The following PLP1 variants were observed in gnomAD, a reference collection of about 807,000 sequenced individuals.
PLP1 encodes myelin proteolipid protein.
A neutral mutation model predicts 18.5 loss-of-function variants in PLP1; 2 were observed. The ratio of observed to expected loss-of-function variants is 0.11; its 90% CI spans 0.04 to 0.34. The LOEUF is 0.34. Ranked by LOEUF, PLP1 falls within the 10% of genes least tolerant of loss-of-function variation. PLP1 has a pLI of 1.00. For synonymous variants in PLP1, 86 were observed against 83.2 expected (o/e 1.03, Z -0.19); for missense variants, 105 against 207.3 (o/e 0.51, Z 3.03).
intron 3 of PLP1, among the ~76,000 whole-genome samples, chrX:103,787,209 G>A (rs2074504804): frequency 1.8e-5 from 2 of 111,846 alleles, no homozygotes; most frequent in African/African-American, 3.3e-5. Context: ...GGGAATTGGA[G>A]TAGATCTGCA....
At chrX:103,786,850 G>T (rs1222307768) in intron 3 of PLP1, 124 bp downstream of exon 3, 6 of 726,262 alleles carry the variant, frequency 8.3e-6, no homozygotes, top group African/African-American at 2.1e-5. Context: ...GTGAGGAAGC[G>T]ATGGCTGCAG....
upstream of PLP1, chrX:103,776,674 C>A: frequency 6.9e-6 from 2 of 291,136 alleles, no homozygotes; most frequent in African/African-American, 2.7e-5. Flanking sequence ...AAAGGAAAAA[C>A]AAAGAAAATG....
chrX:103,776,587 C>T (rs960916347), upstream of PLP1: 74 of 167,445 alleles, frequency 4.4e-4, 1 homozygote, highest in African/African-American at 2.0e-3. Context: ...AGGACATCTT[C>T]ATTTTATTTC....
chrX:103,790,411 T>G, intron 6 of PLP1, 116 bp from the exon 7 acceptor site: 1 of 614,685 alleles, frequency 1.6e-6, no homozygotes, highest in South Asian at 2.2e-5. Flanking sequence ...AGAGCATGGG[T>G]TTTTCCCTTA....
chrX:103,785,597 G>A lies in PLP1; in HGVS notation c.20G>A (p.Cys7Tyr). The stretch of plus-strand genomic sequence containing the variant: ...TCTTCCCCAGGCTTGTTAGAGTGCT[G>A]TGCAAGATGTCTGGTAGGGGCCCCC... MGLLEC[C>Y]ARCLVGAPFA... Residue 7 changes from cysteine to tyrosine, a missense_variant, in exon 2 of 7, where the codon TGT (cysteine) becomes TAT (tyrosine). Transcript: ENST00000621218. 1 of 1,209,964 alleles carries A rather than the reference G, an allele frequency of 8.3e-7. No individual in the cohort carries two copies. The highest frequency in any genetic ancestry group is 1.1e-6 in the Non-Finnish European group (1 of 894,096).
intron 5 of PLP1, chrX:103,788,903 T>G (rs1188891249): frequency 1.5e-5 from 4 of 274,908 alleles, no homozygotes; most frequent in African/African-American, 1.1e-4. Context: ...AACTTCTTTA[T>G]CTCAAATGAG....
intron 3 of PLP1, 79 bp downstream of exon 3, chrX:103,786,805 C>A: frequency 9.6e-7 from 1 of 1,041,086 alleles, no homozygotes; most frequent in Non-Finnish European, 1.3e-6. Context: ...CGTCCCCACC[C>A]AAGGCTGGGT....
chrX:103,784,204 A>G (rs1436054295), intron 1 of PLP1, among the ~76,000 whole-genome samples: 1 of 111,735 alleles, frequency 8.9e-6, no homozygotes, highest in African/African-American at 3.3e-5. Flanking sequence ...CAACACTGGC[A>G]TAGGGCCTGG....
chrX:103,777,102 G>GTGT (rs1308571754), intron 1 of PLP1, 103 bp downstream of exon 1: 1 of 668,023 alleles, frequency 1.5e-6, no homozygotes, highest in African/African-American at 2.1e-5. Flanking sequence ...TAAATGAGTC[G>GTGT]TGTTTTGGCA....
chrX:103,785,842 G>A (rs1252471506), intron 2 of PLP1, 74 bp downstream of exon 2: 1 of 941,775 alleles, frequency 1.1e-6, no homozygotes, highest in Non-Finnish European at 1.5e-6. Context: ...GAACTCTTCA[G>A]TACCTTAGTA....
At chrX:103,778,550 G>T (rs2074428793) in intron 1 of PLP1, among the ~76,000 whole-genome samples, 1 of 111,327 alleles carries the variant, frequency 9.0e-6, no homozygotes, top group Non-Finnish European at 1.9e-5. Context: ...TTCCTCAGGG[G>T]ATGAAATCCC....
Position 103,786,792 on chromosome X carries a change from C to T in PLP1, c.453+66C>T, listed in dbSNP as rs751435520. ...GGGAAAATTGGGCGCGAGTCTGTGG[C>T]CTCGTCCCCACCCAAGGCTGGGTCC... On this transcript the variant is annotated intron_variant, in intron 3 of 6. Coordinates refer to ENST00000621218, the MANE Select transcript of PLP1 (RefSeq NM_000533.5). The T allele has an allele frequency of 1.0e-4, 113 of 1,110,566 alleles. No individual in the cohort carries two copies. In the Middle Eastern group the frequency reaches 1.3e-3, roughly 12 times the overall value. 91.5% of individuals were successfully genotyped at this position (1,110,566 alleles called of 1,213,427 possible).
intron 3 of PLP1, chrX:103,787,569 A>G (rs866391529): frequency 4.6e-6 from 2 of 438,587 alleles, no homozygotes; most frequent in African/African-American, 5.0e-5. Context: ...GATCCTCCTC[A>G]CTCTTCCCCT....
intron 6 of PLP1, among the ~76,000 whole-genome samples, chrX:103,790,205 T>C (rs1053864794): frequency 3.6e-5 from 4 of 112,326 alleles, no homozygotes; most frequent in Non-Finnish European, 7.5e-5. Flanking sequence ...CACTCGGACA[T>C]ATTGATGTGG....
In PLP1 at chrX:103,785,602, A is replaced by G; in HGVS notation, c.25A>G (p.Arg9Gly). Residue 9 changes from arginine (R) to glycine (G), a missense_variant, in exon 2 of 7, where the codon AGA becomes GGA. Physicochemically the swap from Arg to Gly is moderately radical, Grantham distance 125 (BLOSUM62 -2). Coordinates refer to ENST00000621218, the MANE Select transcript of PLP1 (RefSeq NM_000533.5). The part of the protein sequence containing the change: MGLLECCA[R>G]CLVGAPFASL... ...CCCAGGCTTGTTAGAGTGCTGTGCA[A>G]GATGTCTGGTAGGGGCCCCCTTTGC... 1 of 1,210,468 alleles carries G rather than the reference A, an allele frequency of 8.3e-7. No individual in the cohort carries two copies.
At chrX:103,779,807 T>C (rs1253314544) in intron 1 of PLP1, 2 of 112,257 alleles carry the variant, frequency 1.8e-5, no homozygotes, top group Admixed American at 9.4e-5. Context: ...CTCCAGCCAG[T>C]AACATCACTT....
chrX:103,787,176 C>G (rs1397961981), intron 3 of PLP1, among the ~76,000 whole-genome samples: 7 of 111,415 alleles, frequency 6.3e-5, no homozygotes, highest in Non-Finnish European at 1.3e-4. Flanking sequence ...GTTCTGGGAT[C>G]CTGCACAGTT....
intron 1 of PLP1, chrX:103,781,373 A>C (rs1445421781): frequency 6.7e-6 from 2 of 300,447 alleles, no homozygotes; most frequent in East Asian, 2.0e-4. Context: ...AGAAGGGCTT[A>C]AAGTTGGAGT....
chrX:103,780,962 C>A (rs947505713), intron 1 of PLP1: 1 of 145,150 alleles, frequency 6.9e-6, no homozygotes, highest in African/African-American at 3.1e-5. Context: ...AGTGCAGATT[C>A]GAGACCTAGG....
Sources: allele counts gnomAD v4.1 joint callset (sites outside exome capture counted in the v4.1 genomes callset), GRCh38; gene constraint gnomAD v4.1.1; transcripts MANE v1.5; gene names NCBI Gene and HGNC (gene_info 2026-07-23, HGNC 2026-07-21).